HEATR4: variants seen among roughly 807,000 people sequenced by gnomAD.
HEATR4 encodes the protein HEAT repeat-containing protein 4.
HEATR4 carries 95 observed loss-of-function variants against 108.8 expected under a neutral mutation model. The ratio of observed to expected loss-of-function variants is 0.87; its 90% CI spans 0.74 to 1.04. The LOEUF (loss-of-function observed/expected upper bound fraction) is 1.04, where lower values mean the gene tolerates loss of function less well. Among genes scored for constraint, HEATR4 ranks in the 50% least tolerant of loss-of-function variants. The pLI is 0.00. For synonymous variants in HEATR4, 443 were observed against 459.4 expected (o/e 0.96, Z 0.46); for missense variants, 1,152 against 1,253.8 (o/e 0.92, Z 1.23).
Position 73,509,479 on chromosome 14 carries a change from A to G in HEATR4, c.1559-6T>C. ...CAAGTCCTGGATGGTCTTGTCTGTG[A>G]TCAAAAGAGCCAGGTAAGAGAGTAC... On this transcript the variant is annotated splice_polypyrimidine_tract_variant and splice_region_variant and intron_variant, in intron 7 of 17. Coordinates refer to ENST00000553558, the MANE Select transcript of HEATR4 (RefSeq NM_001220484.1). 1 of 1,613,572 alleles carries G rather than the reference A, an allele frequency of 6.2e-7. No individual in the cohort carries two copies. The highest frequency in any genetic ancestry group is 1.3e-5 in the African/African-American group (1 of 74,988).
intron 16 of HEATR4, 86 bp from the exon 17 acceptor site, chr14:73,493,210 T>C (rs1391375968): frequency 2.8e-6 from 3 of 1,071,804 alleles, no homozygotes; most frequent in Non-Finnish European, 4.3e-6. Context: ...TTCATCACCT[T>C]CAGGCTTCAG....
At chr14:73,616,160 G>T in the HEATR4 span, among the ~76,000 whole-genome samples, 2 of 151,984 alleles carry the variant, frequency 1.3e-5, no homozygotes, top group Admixed American at 1.3e-4. Flanking sequence ...GTAGAGATGG[G>T]TCTTGTTATG....
chr14:73,604,665 T>C, the HEATR4 span, among the ~76,000 whole-genome samples: 1 of 152,100 alleles, frequency 6.6e-6, no homozygotes, highest in Non-Finnish European at 1.5e-5. Flanking sequence ...TTTTTGTATT[T>C]TTAGTAGAGA....
At chr14:73,579,663 C>G in the HEATR4 span, among the ~76,000 whole-genome samples, 1 of 151,598 alleles carries the variant, frequency 6.6e-6, no homozygotes, top group Non-Finnish European at 1.5e-5. Flanking sequence ...GCAATCTTCC[C>G]ACCTTGGCCT....
chr14:73,516,117 C>A (rs1157235897), intron 5 of HEATR4, among the ~76,000 whole-genome samples: 1 of 48,392 alleles, frequency 2.1e-5, no homozygotes, highest in Non-Finnish European at 3.1e-5. Context: ...AGAAACACAT[C>A]CACTAGCCAT....
At chr14:73,491,084 C>G (rs1282533556) in intron 17 of HEATR4, 4 of 1,599,646 alleles carry the variant, frequency 2.5e-6, no homozygotes, top group Middle Eastern at 1.7e-4. Flanking sequence ...GCGCAAGCCC[C>G]AGCCACACAG....
In HEATR4 at chr14:73,478,484, T is replaced by C; in HGVS notation, c.*122A>G. On this transcript the variant is annotated 3_prime_UTR_variant, in exon 18 of 18. Coordinates refer to ENST00000553558, the MANE Select transcript of HEATR4 (RefSeq NM_001220484.1). The stretch of plus-strand genomic sequence containing the variant: ...ATAGTGCGCATTAAGACATGAGGTC[T>C]ACTGTTAAATAATTTCTCTTTATAA... 1 of 708,858 alleles carries C rather than the reference T, an allele frequency of 1.4e-6. No homozygotes were observed. The allele number at this position is 708,858 out of a possible 1,614,324, so 43.9% of individuals were successfully genotyped here.
At chr14:73,500,846 A>C in intron 11 of HEATR4, 116 bp from the exon 12 acceptor site, 1 of 876,914 alleles carries the variant, frequency 1.1e-6, no homozygotes, top group Admixed American at 2.7e-5. Context: ...AATCCCATTC[A>C]GCCTTATGCT....
the HEATR4 span, among the ~76,000 whole-genome samples, chr14:73,633,009 T>C: frequency 5.0e-4 from 73 of 144,942 alleles, no homozygotes; most frequent in Non-Finnish European, 7.6e-4. Context: ...CTCTCTCTCT[T>C]TTTTTTTTTT....
In HEATR4 at chr14:73,492,389, T is replaced by C. The variant is rs1654559999; in HGVS notation, c.2844+677A>G. 1 of 1,613,718 alleles carries C rather than the reference T, an allele frequency of 6.2e-7. No homozygotes were observed. Among genetic ancestry groups the C allele is most frequent in the Non-Finnish European group, 8.5e-7 (1 of 1,179,808 alleles). Reference sequence around the variant, plus strand: ...GTTTCGGAGGGGTCTGCCCCGAGACTTCATGGATTACATGGGGGCCCAGCA... The same window carrying C: ...GTTTCGGAGGGGTCTGCCCCGAGACCTCATGGATTACATGGGGGCCCAGCA... On this transcript the variant is annotated intron_variant, in intron 17 of 17. Coordinates refer to ENST00000553558, the MANE Select transcript of HEATR4 (RefSeq NM_001220484.1). The surrounding 1 kb of genome is among the most constrained non-coding windows in gnomAD (Gnocchi z 4.9).
At chr14:73,531,312 G>A (rs1483562770) in intron 1 of HEATR4, 1 of 112,512 alleles carries the variant, frequency 8.9e-6, no homozygotes, top group Non-Finnish European at 1.9e-5. Context: ...GTTCAGTCGG[G>A]GGTATATCTT....
Position 73,492,497 on chromosome 14 carries a change from G to A in HEATR4, c.2844+569C>T, listed in dbSNP as rs758170691. ...TGCCCGCCTGGGACACTTTGCTCCTGTTGATGCTGTGGCCGACCAGCGAGC... is the reference window on the plus strand; with the variant it reads ...TGCCCGCCTGGGACACTTTGCTCCTATTGATGCTGTGGCCGACCAGCGAGC... On this transcript the variant is annotated intron_variant, in intron 17 of 17. Transcript: ENST00000553558. The surrounding 1 kb of genome is among the most constrained non-coding windows in gnomAD (Gnocchi z 4.9). 1.2e-6 allele frequency: 2 copies of A among 1,613,704 alleles called. No homozygotes were observed. The highest frequency in any genetic ancestry group is 2.2e-5 in the South Asian group (2 of 91,034).
Position 73,545,957 on chromosome 14 carries a change from T to A in HEATR4, c.-152+12794A>T, listed in dbSNP as rs190590606. On this transcript the variant is annotated intron_variant, in intron 1 of 17. Coordinates refer to ENST00000553558, the MANE Select transcript of HEATR4 (RefSeq NM_001220484.1). ...TTAAGCCCAGGAGTTCAAGCCAGCCTGGGTAACATAGTGGGACACCATCTT... is the reference window on the plus strand; with the variant it reads ...TTAAGCCCAGGAGTTCAAGCCAGCCAGGGTAACATAGTGGGACACCATCTT... Among the ~76,000 whole-genome samples, 155 of 113,980 alleles carry A rather than the reference T, an allele frequency of 1.4e-3. 31 individuals carry two copies. The highest frequency in any genetic ancestry group is 3.9e-3 in the African/African-American group (138 of 35,220). 74.8% of individuals were successfully genotyped at this position (113,980 alleles called of 152,430 possible).
the HEATR4 span, among the ~76,000 whole-genome samples, chr14:73,597,916 G>A: frequency 6.6e-6 from 1 of 151,158 alleles, no homozygotes; most frequent in Non-Finnish European, 1.5e-5. Context: ...TAGAGATGGG[G>A]TTTCGCCATA....
chr14:73,572,060 G>A, the HEATR4 span, among the ~76,000 whole-genome samples: 2 of 147,970 alleles, frequency 1.4e-5, no homozygotes, highest in Non-Finnish European at 3.0e-5. Context: ...GAAACTCACT[G>A]CTAGAAGGAG....
At position 73,514,210 on chromosome 14, in the gene HEATR4, A is replaced by G. The variant is rs1887447289; in HGVS notation, c.1235T>C (p.Leu412Pro). The change falls in exon 6 of 18, where the codon CTG (leucine) becomes CCG (proline). Residue 412 changes from leucine to proline, a missense_variant. By Grantham distance (98) the Leu-to-Pro change is moderately conservative. Transcript: ENST00000553558. ...EASYRPVQGA[L>P]RWTALPTPAK... ...GGGGGTGGGCAAAGCAGTCCAGCGC[A>G]GGGCTCCTTGCACAGGTCTGTAAGC... 10 of 1,614,170 alleles carry G rather than the reference A, an allele frequency of 6.2e-6. No individual in the cohort carries two copies. Among genetic ancestry groups the G allele is most frequent in the Non-Finnish European group, 8.5e-6 (10 of 1,180,032 alleles).
At chr14:73,510,314 A>T (rs1391831474) in intron 7 of HEATR4, among the ~76,000 whole-genome samples, 1 of 152,186 alleles carries the variant, frequency 6.6e-6, no homozygotes, top group African/African-American at 2.4e-5. Flanking sequence ...TCAACTAAAC[A>T]GTAAGGTTCA....
chr14:73,541,804 C>A lies in HEATR4; in HGVS notation c.-151-11560G>T. The A allele has an allele frequency of 2.8e-6, 2 of 712,540 alleles. 1 individual carries two copies. Among genetic ancestry groups the A allele is most frequent in the East Asian group, 1.8e-4 (2 of 11,076 alleles). The allele number at this position is 712,540 out of a possible 1,614,324, so 44.1% of individuals were successfully genotyped here. A position where few individuals can be genotyped will look rare whatever the true frequency, so the allele number is the denominator to read the frequency against. ...TCATGACAGCCATTCCCTACCCCAA[C>A]ACACACTACCTTTTTTAGTCACTTC... On this transcript the variant is annotated intron_variant, in intron 1 of 17. Coordinates refer to ENST00000553558, the MANE Select transcript of HEATR4 (RefSeq NM_001220484.1).
rs1291846259 is a variant in HEATR4 at position 73,558,895 on chromosome 14, T to A, written c.-296A>T. 1.3e-5 allele frequency: 2 copies of A among 151,500 alleles called. No homozygotes were observed. Among genetic ancestry groups the A allele is most frequent in the Middle Eastern group, 3.2e-3 (1 of 314 alleles). The allele number at this position is 151,500 out of a possible 1,614,324, so 9.4% of individuals were successfully genotyped here. The stretch of plus-strand genomic sequence containing the variant: ...CAAATGGCCTCCTAAAAGGCAGTCC[T>A]CAGAGAGAAGCAAGGTTCTGCATCT... On this transcript the variant is annotated 5_prime_UTR_variant, in exon 1 of 18. It removes the in-frame stop codon of an upstream open reading frame in the 5' UTR. Transcript: ENST00000553558.
Sources: gnomAD v4.1 joint callset for allele counts (sites outside exome capture counted in the v4.1 genomes callset) on GRCh38, gnomAD v4.1.1 for gene constraint, Gnocchi (gnomAD v3.1) non-coding constraint, MANE v1.5 for transcripts, NCBI Gene and HGNC (gene_info 2026-07-23, HGNC 2026-07-21) for gene names.